Variants in TRMT44 observed in about 807,000 individuals in gnomAD.
TRMT44 encodes probable tRNA (uracil-O(2)-)-methyltransferase.
Under a neutral mutation model 77.3 loss-of-function variants are expected in TRMT44, and 78 were observed. The observed-to-expected ratio is 1.01, with a 90% CI of 0.84 to 1.22. TRMT44 has a LOEUF of 1.22. Among genes scored for constraint, TRMT44 ranks in the 50% most tolerant of loss-of-function variants. TRMT44 has a pLI of 0.00. For missense variants in TRMT44, 1,090 were observed against 964.4 expected, an observed-to-expected ratio of 1.13 and a Z score of -1.73; for synonymous variants, 391 against 383.3, an observed-to-expected ratio of 1.02 and a Z score of -0.23.
intron 1 of TRMT44, among the ~76,000 whole-genome samples, chr4:8,443,811 T>C (rs1280302316): frequency 6.6e-6 from 1 of 152,072 alleles, no homozygotes; most frequent in Non-Finnish European, 1.5e-5. Flanking sequence ...ATACAAAAAA[T>C]TAGCCAGGCG....
At position 8,449,506 on chromosome 4, in the gene TRMT44, T is replaced by C. The variant is rs534917935; in HGVS notation, c.735-163T>C. Among the ~76,000 whole-genome samples, 8 of 152,388 alleles carry C rather than the reference T, an allele frequency of 5.2e-5. No homozygotes were observed. The East Asian group carries it at 1.5e-3, about 29-fold the overall frequency. Reference sequence around the variant, plus strand: ...GATTCTCTGTGCTTTTTACATGTTTTTCTCTATTAGATGAAAGTTCTGTAA... The same window carrying C: ...GATTCTCTGTGCTTTTTACATGTTTCTCTCTATTAGATGAAAGTTCTGTAA... On this transcript the variant is annotated intron_variant, in intron 2 of 10. Transcript: ENST00000389737.
At chr4:8,499,114 C>T in the TRMT44 span, among the ~76,000 whole-genome samples, 1 of 152,112 alleles carries the variant, frequency 6.6e-6, no homozygotes, top group African/African-American at 2.4e-5. Flanking sequence ...TTCAGTTCCC[C>T]AGGAGCTTCA....
At chr4:8,464,592 A>G (rs1483883496) in intron 7 of TRMT44, among the ~76,000 whole-genome samples, 1 of 152,148 alleles carries the variant, frequency 6.6e-6, no homozygotes, top group Non-Finnish European at 1.5e-5. Context: ...GAGTCTCCTT[A>G]TCTCAGATTC....
intron 6 of TRMT44, among the ~76,000 whole-genome samples, chr4:8,457,562 A>G (rs555132702): frequency 6.6e-6 from 1 of 152,320 alleles, no homozygotes; most frequent in East Asian, 1.9e-4. Flanking sequence ...CTCATTATGC[A>G]CAGTATTCAA....
chr4:8,491,781 C>T lies in TRMT44; in HGVS notation n.3892-1485C>T, dbSNP rs1047196818. On this transcript the variant is annotated intron_variant and non_coding_transcript_variant, in intron 2 of 2. Coordinates refer to the TRMT44 transcript ENST00000511366. ...GCTGCACGCAGCCCCGGTTCCCGCT[C>T]GCGCCTCTCCCTCCACACATCCCTG... Among the ~76,000 whole-genome samples, 16 of 152,340 alleles carry T rather than the reference C, an allele frequency of 1.1e-4. 1 individual carries two copies. The highest frequency in any genetic ancestry group is 3.1e-4 in the African/African-American group (13 of 41,594).
At position 8,475,779 on chromosome 4, in the gene TRMT44, T is replaced by A. The variant is rs1727336201; in HGVS notation, c.2052T>A (p.Asn684Lys). 2 of 1,613,980 alleles carry A rather than the reference T, an allele frequency of 1.2e-6. No homozygotes were observed. Among genetic ancestry groups the A allele is most frequent in the Non-Finnish European group, 8.5e-7 (1 of 1,179,976 alleles). Residue 684 changes from asparagine (N) to lysine (K), a missense_variant, in exon 11 of 11, where the codon AAT becomes AAA. Asn to Lys is a moderately conservative substitution (Grantham distance 94). Coordinates refer to ENST00000389737, the MANE Select transcript of TRMT44 (RefSeq NM_152544.3). ...RNSHQVFQVV[N>K]GRVHIRDWRE... is the part of the protein sequence containing the mutation. ...CTCTGTTCCAAACCACAGTTGTGAA[T>A]GGGAGAGTTCACATCCGCGACTGGC...
chr4:8,441,625 A>G (rs531540264), intron 1 of TRMT44, among the ~76,000 whole-genome samples, 184 bp downstream of exon 1: 3 of 152,260 alleles, frequency 2.0e-5, no homozygotes, highest in South Asian at 2.1e-4. Context: ...AGATGGGATA[A>G]TTGATTGGGG....
At chr4:8,494,016 C>A (rs940846405), downstream of TRMT44, among the ~76,000 whole-genome samples, 2 of 149,478 alleles carry the variant, frequency 1.3e-5, no homozygotes, top group Non-Finnish European at 3.0e-5. Flanking sequence ...AAATCAGGCA[C>A]AAGAGAAAAG....
chr4:8,481,990 C>T (rs1015050011), intron 2 of TRMT44, among the ~76,000 whole-genome samples: 2 of 152,228 alleles, frequency 1.3e-5, no homozygotes, highest in African/African-American at 2.4e-5. Flanking sequence ...TATGAACATT[C>T]CTGTCTATGA....
intron 2 of TRMT44, among the ~76,000 whole-genome samples, chr4:8,491,596 G>A (rs971481596): frequency 7.9e-5 from 12 of 152,234 alleles, no homozygotes; most frequent in African/African-American, 1.9e-4. Flanking sequence ...CGAGCACAGC[G>A]CCGGTGGGCC....
chr4:8,441,144 C>T lies in TRMT44; in HGVS notation c.322C>T (p.Gln108Ter). The T allele has an allele frequency of 6.6e-7, 1 of 1,523,712 alleles. No individual in the cohort carries two copies. Among genetic ancestry groups the T allele is most frequent in the Non-Finnish European group, 8.8e-7 (1 of 1,138,266 alleles). 94.4% of individuals were successfully genotyped at this position (1,523,712 alleles called of 1,614,324 possible). A position where few individuals can be genotyped will look rare whatever the true frequency, so the allele number is the denominator to read the frequency against. ...CELEEAQGQC[Q>*]QEEAQREAAS... ...ACTTGAGGAGGCCCAGGGCCAGTGC[C>T]AGCAAGAGGAGGCACAGAGGGAAGC... Residue 108 changes from glutamine (Q) to a stop codon, truncating the protein, a stop_gained, in exon 1 of 11, where the codon CAG becomes TAG. Coordinates refer to ENST00000389737, the MANE Select transcript of TRMT44 (RefSeq NM_152544.3). LOFTEE classifies it high-confidence loss of function.
Position 8,441,006 on chromosome 4 carries a change from A to G in TRMT44, c.184A>G (p.Ser62Gly), listed in dbSNP as rs1286241751. The change falls in exon 1 of 11, where the codon AGC becomes GGC. Residue 62 changes from serine (S) to glycine (G), a missense_variant. Coordinates refer to ENST00000389737, the MANE Select transcript of TRMT44 (RefSeq NM_152544.3). ...CGCGGAGGCCCGCGGCCCCGGGACT[A>G]GCGCAGGCTCGGAGCAGAAGGAGCG... ...PCAEARGPGT[S>G]AGSEQKERGP... The G allele has an allele frequency of 1.3e-6, 2 of 1,517,348 alleles. No individual in the cohort carries two copies. Among genetic ancestry groups the G allele is most frequent in the Non-Finnish European group, 1.8e-6 (2 of 1,139,538 alleles). 94.0% of individuals were successfully genotyped at this position (1,517,348 alleles called of 1,614,324 possible). A position where few individuals can be genotyped will look rare whatever the true frequency, so the allele number is the denominator to read the frequency against.
Position 8,441,381 on chromosome 4 carries a change from A to G in TRMT44, c.559A>G (p.Ile187Val), listed in dbSNP as rs553499901. 604 of 1,532,380 alleles carry G rather than the reference A, an allele frequency of 3.9e-4. No individual in the cohort carries two copies. Among genetic ancestry groups the G allele is most frequent in the Non-Finnish European group, 5.0e-4 (570 of 1,144,256 alleles). The allele number at this position is 1,532,380 out of a possible 1,614,324, so 94.9% of individuals were successfully genotyped here. A position where few individuals can be genotyped will look rare whatever the true frequency, so the allele number is the denominator to read the frequency against. The change falls in exon 1 of 11, where the codon ATC becomes GTC. Residue 187 changes from isoleucine (I) to valine (V), a missense_variant. Ile to Val is a conservative substitution (Grantham distance 29). Coordinates refer to ENST00000389737, the MANE Select transcript of TRMT44 (RefSeq NM_152544.3). ...RELDVVLRTV[I>V]PKTSPHCPLT... ...GCTCGACGTGGTTCTCAGAACCGTC[A>G]TCCCGAAAACTAGCCCACATTGCCC... is the stretch of plus-strand genomic sequence containing the variant.
intron 8 of TRMT44, 94 bp from the exon 9 acceptor site, chr4:8,467,820 C>G: frequency 7.4e-7 from 1 of 1,348,116 alleles, no homozygotes; most frequent in South Asian, 1.5e-5. Context: ...ACATTGAAAA[C>G]TTGTGATTTG....
chr4:8,446,491 C>G lies in TRMT44; in HGVS notation c.635C>G (p.Thr212Ser), dbSNP rs1426100305. Residue 212 changes from threonine to serine, a missense_variant, in exon 2 of 11, where the codon ACC (threonine) becomes AGC (serine). By Grantham distance (58) the Thr-to-Ser change is moderately conservative (BLOSUM62 1). Coordinates refer to ENST00000389737, the MANE Select transcript of TRMT44 (RefSeq NM_152544.3). This position sits in a 1 kb window ranked among gnomAD's most constrained non-coding sequence, Gnocchi z 4.3. ...EIVVQDVLNG[T>S]ITFLPLEEDD... ...TTCTTTCCAGATGTCCTCAATGGAA[C>G]CATAACGTTTTTGCCTTTGGAAGAA... is the stretch of plus-strand genomic sequence containing the variant. The G allele has an allele frequency of 3.3e-6, 5 of 1,535,810 alleles. No homozygotes were observed. In the African/African-American group the frequency reaches 5.5e-5, roughly 17 times the overall value.
chr4:8,464,296 A>G (rs1187959460), intron 7 of TRMT44, among the ~76,000 whole-genome samples: 1 of 152,260 alleles, frequency 6.6e-6, no homozygotes, highest in East Asian at 1.9e-4. Flanking sequence ...CTTTTAAAAT[A>G]TGACTACTGG....
the TRMT44 span, among the ~76,000 whole-genome samples, chr4:8,511,617 A>T: frequency 2.6e-5 from 4 of 152,306 alleles, no homozygotes; most frequent in African/African-American, 9.6e-5. Flanking sequence ...TTGAATCCCT[A>T]AACCATAATG....
At position 8,440,951 on chromosome 4, in the gene TRMT44, G is replaced by A; in HGVS notation, c.129G>A (p.Leu43=). Residue 43 remains leucine (L), a synonymous_variant, in exon 1 of 11, where the codon CTG becomes CTA. Coordinates refer to ENST00000389737, the MANE Select transcript of TRMT44 (RefSeq NM_152544.3). ...ACAAACGGCTTTGCGGCGCCCGCCT[G>A]GAGGCCCGCTGGAGCGCCGCCCTGC... ...VANKRLCGAR[L]EARWSAALPC... The A allele has an allele frequency of 6.5e-7, 1 of 1,529,340 alleles. No individual in the cohort carries two copies. The highest frequency in any genetic ancestry group is 8.7e-7 in the Non-Finnish European group (1 of 1,145,060). The allele number at this position is 1,529,340 out of a possible 1,614,324, so 94.7% of individuals were successfully genotyped here. A position where few individuals can be genotyped will look rare whatever the true frequency, so the allele number is the denominator to read the frequency against.
chr4:8,490,804 C>G (rs1433133128), intron 2 of TRMT44, among the ~76,000 whole-genome samples: 4 of 152,156 alleles, frequency 2.6e-5, no homozygotes, highest in African/African-American at 7.2e-5. Context: ...CTTATCTGGC[C>G]CCACCCACAT....
Sources: allele counts gnomAD v4.1 joint callset (sites outside exome capture counted in the v4.1 genomes callset), GRCh38; gene constraint gnomAD v4.1.1; non-coding constraint Gnocchi (gnomAD v3.1); transcripts MANE v1.5; gene names NCBI Gene and HGNC (gene_info 2026-07-23, HGNC 2026-07-21).